Variants in FAAH2 observed in about 807,000 individuals in gnomAD.
The protein encoded by FAAH2 is fatty acid amide hydrolase 2.
FAAH2 carries 60 observed loss-of-function variants against 36.9 expected under a neutral mutation model. The ratio of observed to expected loss-of-function variants is 1.63; its 90% CI spans 1.32 to 2.02. FAAH2 has a LOEUF of 2.02. Ranked by LOEUF, FAAH2 falls within the 30% of genes most tolerant of loss-of-function variation. The pLI is 0.00. For synonymous variants in FAAH2, 214 were observed against 143.8 expected, an observed-to-expected ratio of 1.49 and a Z score of -3.49; for missense variants, 689 against 397.5, an observed-to-expected ratio of 1.73 and a Z score of -6.23.
rs370743322 is a variant in FAAH2 at position 57,352,876 on chromosome X, A to G, written c.742+11486A>G. 3.5e-4 allele frequency among the ~76,000 whole-genome samples: 39 copies of G among 110,841 alleles called. No individual in the cohort carries two copies. The South Asian group carries it at 0.011, about 32-fold the overall frequency. ...TGATAGTTACAAAAACAAACAAAATACCTGCTTATAAATTTAGCCAAGGAG... is the reference window on the plus strand; with the variant it reads ...TGATAGTTACAAAAACAAACAAAATGCCTGCTTATAAATTTAGCCAAGGAG... On this transcript the variant is annotated intron_variant, in intron 5 of 10. Coordinates refer to ENST00000374900, the MANE Select transcript of FAAH2 (RefSeq NM_174912.4).
At chrX:57,393,943 G>A (rs1031171794) in intron 7 of FAAH2, 8 of 888,391 alleles carry the variant, frequency 9.0e-6, no homozygotes, top group Non-Finnish European at 1.3e-5. Context: ...TCTTGTCAAT[G>A]CCTAGTCTGT....
At chrX:57,265,138 C>G in the FAAH2 span, among the ~76,000 whole-genome samples, 1 of 111,337 alleles carries the variant, frequency 9.0e-6, no homozygotes, top group Non-Finnish European at 1.9e-5. Context: ...TGAACCCACT[C>G]CACGTGGGCC....
the FAAH2 span, among the ~76,000 whole-genome samples, chrX:57,258,696 GT>G: frequency 8.2e-5 from 8 of 98,063 alleles, no homozygotes; most frequent in Non-Finnish European, 1.2e-4. Context: ...CTATAAAAAG[GT>G]TTTTTTGTTG....
chrX:57,378,580 C>T lies in FAAH2; in HGVS notation c.743-71C>T, dbSNP rs111832570. The T allele has an allele frequency of 2.7e-5, 31 of 1,164,137 alleles. No homozygotes were observed. The African/African-American group carries it at 3.0e-4, about 11-fold the overall frequency. On this transcript the variant is annotated intron_variant, in intron 5 of 10. Transcript: ENST00000374900. ...AAAAGTATTTAAGATAGATTAAACA[C>T]CATAATGAAATACAACATGCAGGGA...
intron 7 of FAAH2, among the ~76,000 whole-genome samples, chrX:57,396,919 T>C (rs759507037): frequency 8.9e-6 from 1 of 112,002 alleles, no homozygotes; most frequent in South Asian, 3.7e-4. Flanking sequence ...CTGTCTAGTA[T>C]TGTCAGTGAG....
the FAAH2 span, among the ~76,000 whole-genome samples, chrX:57,271,612 C>T: frequency 8.9e-6 from 1 of 112,076 alleles, no homozygotes; most frequent in East Asian, 2.8e-4. Context: ...ACTGGTGATA[C>T]CCAGGGAAAC....
chrX:57,330,585 C>G (rs2053373538), intron 3 of FAAH2, among the ~76,000 whole-genome samples: 1 of 110,938 alleles, frequency 9.0e-6, no homozygotes. Context: ...TCTTTGTGAC[C>G]CACACCCTAT....
the FAAH2 span, among the ~76,000 whole-genome samples, chrX:57,226,016 A>C: frequency 8.9e-6 from 1 of 111,787 alleles, no homozygotes; most frequent in African/African-American, 3.3e-5. Flanking sequence ...CTTTACTTTA[A>C]GTTTATGTGA....
intron 5 of FAAH2, among the ~76,000 whole-genome samples, chrX:57,349,092 AT>A (rs1406943607): frequency 1.0e-5 from 1 of 97,345 alleles, no homozygotes; most frequent in East Asian, 3.1e-4. Flanking sequence ...ACATATATAT[AT>A]TATATATATA....
At chrX:57,216,383 T>C in the FAAH2 span, among the ~76,000 whole-genome samples, 1 of 103,805 alleles carries the variant, frequency 9.6e-6, no homozygotes, top group East Asian at 3.1e-4. Flanking sequence ...TGTTTGGTTT[T>C]CCATTCCTGA....
At chrX:57,164,460 A>T in the FAAH2 span, among the ~76,000 whole-genome samples, 1 of 111,947 alleles carries the variant, frequency 8.9e-6, no homozygotes, top group Non-Finnish European at 1.9e-5. Flanking sequence ...ACGAACTTTG[A>T]TGTGAGGGAC....
intron 7 of FAAH2, among the ~76,000 whole-genome samples, chrX:57,397,819 C>T (rs1260347678): frequency 1.8e-5 from 2 of 110,334 alleles, no homozygotes; most frequent in African/African-American, 6.6e-5. Context: ...TCGTCATTTA[C>T]ATTAGGTATA....
the FAAH2 span, among the ~76,000 whole-genome samples, chrX:57,274,134 T>C: frequency 8.9e-6 from 1 of 112,049 alleles, no homozygotes; most frequent in Non-Finnish European, 1.9e-5. Context: ...AATAAATGCC[T>C]CTAGCAAATA....
chrX:57,265,655 C>G, the FAAH2 span, among the ~76,000 whole-genome samples: 8 of 112,203 alleles, frequency 7.1e-5, no homozygotes, highest in Non-Finnish European at 1.5e-4. Context: ...CTGCAGCCCC[C>G]TCTGCCAGTG....
intron 7 of FAAH2, among the ~76,000 whole-genome samples, chrX:57,424,161 A>C (rs889209416): frequency 6.3e-5 from 7 of 111,903 alleles, no homozygotes; most frequent in Non-Finnish European, 1.3e-4. Context: ...AAGAAAATTA[A>C]ACAAATTCTA....
At chrX:57,322,132 A>C (rs1274247557) in intron 3 of FAAH2, among the ~76,000 whole-genome samples, 1 of 110,284 alleles carries the variant, frequency 9.1e-6, no homozygotes, top group Non-Finnish European at 1.9e-5. Context: ...CCTCTTGAGT[A>C]GCTGAGACTA....
intron 7 of FAAH2, among the ~76,000 whole-genome samples, chrX:57,385,832 C>T (rs985315649): frequency 1.0e-4 from 11 of 108,684 alleles, no homozygotes; most frequent in Non-Finnish European, 2.1e-4. Flanking sequence ...GGCGTCAACC[C>T]GGGAGGCGGA....
chrX:57,249,028 A>T, the FAAH2 span, among the ~76,000 whole-genome samples: 3 of 110,825 alleles, frequency 2.7e-5, no homozygotes. Flanking sequence ...ATGATGGCCT[A>T]AGACATAGAG....
chrX:57,163,397 A>G, the FAAH2 span, among the ~76,000 whole-genome samples: 2 of 111,580 alleles, frequency 1.8e-5, no homozygotes, highest in Non-Finnish European at 3.8e-5. Flanking sequence ...ACCCAGTTCG[A>G]GCTTCCTGGC....
Sources: allele counts gnomAD v4.1 joint callset (sites outside exome capture counted in the v4.1 genomes callset), GRCh38; gene constraint gnomAD v4.1.1; transcripts MANE v1.5; gene names NCBI Gene and HGNC (gene_info 2026-07-23, HGNC 2026-07-21).